The following SNAP25 variants were observed in gnomAD, a reference collection of about 807,000 sequenced individuals.
The protein encoded by SNAP25 is synaptosome associated protein 25.
In SNAP25, 3 loss-of-function variants were observed where a neutral mutation model predicts 28.7. That is an observed-to-expected ratio of 0.10 (90% CI 0.05 to 0.27). SNAP25 has a LOEUF of 0.27. SNAP25 is among the 10% of genes least tolerant of loss of function. The probability of loss-of-function intolerance (pLI) is 1.00; values close to 1 mark genes in which losing one functional copy is unlikely to be tolerated. For synonymous variants in SNAP25, 61 were observed against 88.1 expected (o/e 0.69, Z 1.72); for missense variants, 117 against 278.7 (o/e 0.42, Z 4.13).
chr20:10,246,555 A>G (rs929859504), intron 1 of SNAP25, among the ~76,000 whole-genome samples: 1 of 152,176 alleles, frequency 6.6e-6, no homozygotes, highest in East Asian at 1.9e-4. Flanking sequence ...GGGGCTCATC[A>G]GTACCCCAGC....
At chr20:10,263,731 G>A (rs889903462) in intron 1 of SNAP25, among the ~76,000 whole-genome samples, 1 of 152,158 alleles carries the variant, frequency 6.6e-6, no homozygotes, top group South Asian at 2.1e-4. Flanking sequence ...GGAAGGAAGA[G>A]ACCCAAACGC....
chr20:10,288,005 C>G (rs1218153059), intron 4 of SNAP25, among the ~76,000 whole-genome samples: 1 of 144,978 alleles, frequency 6.9e-6, no homozygotes, highest in Non-Finnish European at 1.5e-5. Context: ...TCTGGGGACT[C>G]TTGTGGGGTG....
chr20:10,284,667 T>G lies in SNAP25; in HGVS notation c.115-57T>G. 3 of 1,360,846 alleles carry G rather than the reference T, an allele frequency of 2.2e-6. No homozygotes were observed. The South Asian group carries it at 3.5e-5, about 16-fold the overall frequency. 84.3% of individuals were successfully genotyped at this position (1,360,846 alleles called of 1,614,324 possible). On this transcript the variant is annotated intron_variant, in intron 3 of 7. Coordinates refer to ENST00000254976, the MANE Select transcript of SNAP25 (RefSeq NM_130811.4). Reference sequence around the variant, plus strand: ...TAATTGTCCCCTTACTGATTTCTCTTTCTCTCTTTTCTCTCTCTAACTCCT... The same window carrying G: ...TAATTGTCCCCTTACTGATTTCTCTGTCTCTCTTTTCTCTCTCTAACTCCT...
At chr20:10,229,580 G>C (rs750989695) in intron 1 of SNAP25, among the ~76,000 whole-genome samples, 11 of 152,172 alleles carry the variant, frequency 7.2e-5, no homozygotes, top group Non-Finnish European at 1.2e-4. Context: ...TTCAAATTCT[G>C]CTTTGGGGAG....
chr20:10,279,585 C>T (rs1474822686), intron 3 of SNAP25, among the ~76,000 whole-genome samples: 2 of 152,310 alleles, frequency 1.3e-5, no homozygotes, highest in South Asian at 2.1e-4. Flanking sequence ...TTTCATGTAT[C>T]GTCTTAAACT....
intron 5 of SNAP25, among the ~76,000 whole-genome samples, chr20:10,294,792 A>G (rs544719005): frequency 1.5e-4 from 10 of 64,592 alleles, no homozygotes; most frequent in African/African-American, 7.8e-4. Context: ...AATTCATCAG[A>G]AAAAAAAAAA....
intron 5 of SNAP25, chr20:10,296,104 T>C (rs1027280856): frequency 6.6e-6 from 1 of 152,254 alleles, no homozygotes; most frequent in South Asian, 2.1e-4. Flanking sequence ...TTGGCTTAAA[T>C]GAGAATGCTT....
At chr20:10,233,169 A>G (rs981898835) in intron 1 of SNAP25, among the ~76,000 whole-genome samples, 8 of 152,250 alleles carry the variant, frequency 5.3e-5, no homozygotes, top group Admixed American at 2.6e-4. Context: ...GCCTCCTATC[A>G]TGACCATATT....
chr20:10,224,099 T>C (rs1274557549), intron 1 of SNAP25, among the ~76,000 whole-genome samples: 1 of 152,096 alleles, frequency 6.6e-6, no homozygotes, highest in Admixed American at 6.5e-5. Flanking sequence ...AAATAACTGA[T>C]GCACAGCAAG....
chr20:10,247,073 T>C (rs1374298520), intron 1 of SNAP25, among the ~76,000 whole-genome samples: 3 of 152,142 alleles, frequency 2.0e-5, no homozygotes, highest in African/African-American at 7.2e-5. Context: ...TTTCTAAGCA[T>C]GAAGATGGCC....
intron 1 of SNAP25, among the ~76,000 whole-genome samples, chr20:10,242,556 T>C (rs1290043634): frequency 6.6e-6 from 1 of 152,114 alleles, no homozygotes; most frequent in Admixed American, 6.6e-5. Flanking sequence ...CCAGCATCTG[T>C]TATAGTGGCC....
chr20:10,239,376 A>G (rs1007103153), intron 1 of SNAP25, among the ~76,000 whole-genome samples: 4 of 152,270 alleles, frequency 2.6e-5, no homozygotes, highest in African/African-American at 9.6e-5. Flanking sequence ...TAGGAGGAAC[A>G]GAGAGAACGA....
intron 5 of SNAP25, among the ~76,000 whole-genome samples, chr20:10,295,022 T>G (rs1940391280): frequency 6.6e-6 from 1 of 152,244 alleles, no homozygotes; most frequent in Non-Finnish European, 1.5e-5. Context: ...CGAATTCCAC[T>G]TTTGAGTGGT....
At chr20:10,268,398 A>T (rs1300949313) in intron 1 of SNAP25, among the ~76,000 whole-genome samples, 1 of 152,184 alleles carries the variant, frequency 6.6e-6, no homozygotes, top group Non-Finnish European at 1.5e-5. Context: ...TGATTTATAC[A>T]TATTTGTTAG....
intron 6 of SNAP25, 32 bp from the exon 7 acceptor site, chr20:10,299,236 C>T (rs773258151): frequency 5.8e-5 from 94 of 1,610,374 alleles, no homozygotes; most frequent in Non-Finnish European, 7.6e-5. Context: ...TTTCCACCCT[C>T]TGTCTTCTAA....
At chr20:10,291,448 T>C (rs540341637) in intron 4 of SNAP25, among the ~76,000 whole-genome samples, 16 of 152,206 alleles carry the variant, frequency 1.1e-4, no homozygotes, top group Non-Finnish European at 2.1e-4. Flanking sequence ...CTGCACTACC[T>C]TATTATCTCC....
chr20:10,297,984 T>TAA (rs112970133), intron 6 of SNAP25, among the ~76,000 whole-genome samples: 13 of 143,760 alleles, frequency 9.0e-5, no homozygotes, highest in African/African-American at 1.8e-4. Context: ...GCATTTCCTT[T>TAA]AAAAAAAAAA....
At chr20:10,269,117 A>G (rs2063551405) in intron 1 of SNAP25, among the ~76,000 whole-genome samples, 1 of 152,222 alleles carries the variant, frequency 6.6e-6, no homozygotes, top group African/African-American at 2.4e-5. Context: ...TTGTTTTAAA[A>G]TATGTTCCAG....
intron 1 of SNAP25, among the ~76,000 whole-genome samples, chr20:10,267,885 C>T (rs1407790729): frequency 2.0e-5 from 3 of 152,200 alleles, no homozygotes; most frequent in Non-Finnish European, 2.9e-5. Context: ...CATGAAATAG[C>T]TACACACTTT....
Sources: allele counts gnomAD v4.1 joint callset (sites outside exome capture counted in the v4.1 genomes callset), GRCh38; gene constraint gnomAD v4.1.1; transcripts MANE v1.5; gene names NCBI Gene and HGNC (gene_info 2026-07-23, HGNC 2026-07-21).